DNAH9: variants seen among roughly 807,000 people sequenced by gnomAD.
DNAH9 encodes the protein dynein axonemal heavy chain 9.
DNAH9 carries 345 observed loss-of-function variants against 471.6 expected under a neutral mutation model. The observed-to-expected ratio is 0.73, with a 90% CI of 0.67 to 0.80. The LOEUF is 0.80. Ranked by LOEUF, DNAH9 falls within the 30% of genes least tolerant of loss-of-function variation. The pLI is 0.00. For synonymous variants in DNAH9, 2,093 were observed against 2,123.6 expected, an observed-to-expected ratio of 0.99 and a Z score of 0.40; for missense variants, 5,407 against 5,609.2, an observed-to-expected ratio of 0.96 and a Z score of 1.15.
chr17:11,799,390 G>A (rs967414772), intron 43 of DNAH9, among the ~76,000 whole-genome samples: 3 of 151,834 alleles, frequency 2.0e-5, no homozygotes, highest in East Asian at 1.9e-4. Context: ...TTTTTGAGAC[G>A]GAGTCTCACT....
intron 67 of DNAH9, among the ~76,000 whole-genome samples, chr17:11,956,493 AT>A (rs1394659223): frequency 6.6e-6 from 1 of 152,176 alleles, no homozygotes; most frequent in Non-Finnish European, 1.5e-5. Flanking sequence ...AACTTAACCA[AT>A]TTTACAGACA....
chr17:11,866,983 A>T (rs894688306), intron 50 of DNAH9, among the ~76,000 whole-genome samples: 1 of 152,206 alleles, frequency 6.6e-6, no homozygotes, highest in Admixed American at 6.5e-5. Context: ...CGAGCGAGGC[A>T]ATGCCTCGCC....
At chr17:11,948,582 C>A (rs1011645188) in intron 67 of DNAH9, among the ~76,000 whole-genome samples, 1 of 152,152 alleles carries the variant, frequency 6.6e-6, no homozygotes, top group African/African-American at 2.4e-5. Context: ...TAGTTCAGGT[C>A]TGGAAGGGTG....
At position 11,664,939 on chromosome 17, in the gene DNAH9, G is replaced by C. The variant is rs537112682; in HGVS notation, c.2702G>C (p.Cys901Ser). The change falls in exon 15 of 69, where the codon TGC (cysteine) becomes TCC (serine). Residue 901 changes from cysteine (C) to serine (S), a missense_variant. This residue lies in a region of DNAH9 where 4,636 missense variants were observed against 4,900.3 expected (regional missense o/e 0.95). Coordinates refer to ENST00000262442, the MANE Select transcript of DNAH9 (RefSeq NM_001372.4). ...AATGGATTCTTTCTTGCCATTGAGT[G>C]CTCCCTCAAGTATCTTCTGGAAAAT... ...LLNGFFLAIE[C>S]SLKYLLENTE... 8.1e-6 allele frequency: 13 copies of C among 1,613,186 alleles called. No individual in the cohort carries two copies. Among genetic ancestry groups the C allele is most frequent in the Non-Finnish European group, 1.1e-5 (13 of 1,179,430 alleles).
intron 49 of DNAH9, among the ~76,000 whole-genome samples, chr17:11,849,794 C>G (rs1235452884): frequency 6.6e-6 from 1 of 152,184 alleles, no homozygotes; most frequent in Non-Finnish European, 1.5e-5. Context: ...TTGCCTGTCT[C>G]CCCCACCTGA....
At chr17:11,925,240 G>C (rs1277896574) in intron 62 of DNAH9, 1 of 452,348 alleles carries the variant, frequency 2.2e-6, no homozygotes, top group Non-Finnish European at 4.4e-6. Context: ...AAAGGCCGGT[G>C]GGTCAAGGAA....
intron 1 of DNAH9, among the ~76,000 whole-genome samples, chr17:11,606,017 A>G (rs112447852): frequency 6.6e-5 from 10 of 152,150 alleles, no homozygotes; most frequent in Non-Finnish European, 1.3e-4. Flanking sequence ...TTGAGATCCT[A>G]GGAAAATTCC....
At chr17:11,792,288 T>G (rs532153830) in intron 41 of DNAH9, among the ~76,000 whole-genome samples, 1 of 151,934 alleles carries the variant, frequency 6.6e-6, no homozygotes, top group East Asian at 1.9e-4. Context: ...AAGAAAAGAG[T>G]GATCATGAGG....
intron 17 of DNAH9, among the ~76,000 whole-genome samples, chr17:11,676,634 CAA>C (rs563798343): frequency 6.6e-6 from 1 of 151,882 alleles, no homozygotes; most frequent in Non-Finnish European, 1.5e-5. Flanking sequence ...TTGCCGGACA[CAA>C]AAAAACTATC....
At chr17:11,651,730 T>C (rs969782952) in intron 13 of DNAH9, among the ~76,000 whole-genome samples, 2 of 152,224 alleles carry the variant, frequency 1.3e-5, no homozygotes, top group Admixed American at 6.5e-5. Flanking sequence ...TACACTTTCA[T>C]TGGCTGATTA....
chr17:11,898,426 C>T (rs1229015127), intron 59 of DNAH9, among the ~76,000 whole-genome samples: 3 of 152,112 alleles, frequency 2.0e-5, no homozygotes, highest in East Asian at 1.9e-4. Flanking sequence ...TGGCCCTTTC[C>T]GTTTCTTATA....
At chr17:11,780,923 A>G in intron 38 of DNAH9, 86 bp from the exon 39 acceptor site, 1 of 1,425,450 alleles carries the variant, frequency 7.0e-7, no homozygotes, top group Admixed American at 2.2e-5. Flanking sequence ...AGGCAGCACC[A>G]TTGCTTCTCC....
Position 11,933,968 on chromosome 17 carries a change from C to T in DNAH9, c.12386C>T (p.Thr4129Ile), listed in dbSNP as rs374499541. ...TDDWDRRLCR[T>I]YLGEFIRPEM... ...GACTGGGACAGAAGACTCTGCAGAA[C>T]CTACCTGGGGGAATTCATTCGACCA... The change falls in exon 65 of 69, where the codon ACC becomes ATC. Residue 4129 changes from threonine (T) to isoleucine (I), a missense_variant. By Grantham distance (89) the Thr-to-Ile change is moderately conservative (BLOSUM62 -1). Transcript: ENST00000262442. 1 of 1,614,200 alleles carries T rather than the reference C, an allele frequency of 6.2e-7. No homozygotes were observed. The highest frequency in any genetic ancestry group is 8.5e-7 in the Non-Finnish European group (1 of 1,180,044).
intron 45 of DNAH9, among the ~76,000 whole-genome samples, chr17:11,812,967 C>T (rs999801979): frequency 1.3e-5 from 2 of 152,160 alleles, no homozygotes; most frequent in Non-Finnish European, 1.5e-5. Flanking sequence ...AGATGTCGGG[C>T]GTGTTGCCAG....
chr17:11,855,088 G>C (rs1260494768), intron 50 of DNAH9, among the ~76,000 whole-genome samples: 1 of 151,892 alleles, frequency 6.6e-6, no homozygotes, highest in African/African-American at 2.4e-5. Context: ...AATCTGTAGA[G>C]GCAGGGTCTC....
At chr17:11,935,499 C>T (rs969196932) in intron 65 of DNAH9, among the ~76,000 whole-genome samples, 2 of 151,864 alleles carry the variant, frequency 1.3e-5, no homozygotes, top group Non-Finnish European at 2.9e-5. Flanking sequence ...CCTCAGCCTC[C>T]TGAGTAGCTG....
chr17:11,629,456 A>C lies in DNAH9; in HGVS notation c.1390A>C (p.Lys464Gln). Reference sequence around the variant, plus strand: ...GGCCCTGGATTTCCACAAACTGGGAAAGGTGGAGTTCAGCGGCGTCAGAGG... The same window carrying C: ...GGCCCTGGATTTCCACAAACTGGGACAGGTGGAGTTCAGCGGCGTCAGAGG... The part of the protein sequence containing the change: ...KTALDFHKLG[K>Q]VEFSGVRGNA... The change falls in exon 7 of 69, where the codon AAG becomes CAG. Residue 464 changes from lysine (K) to glutamine (Q), a missense_variant. By Grantham distance (53) the Lys-to-Gln change is moderately conservative (BLOSUM62 1). Transcript: ENST00000262442. The C allele has an allele frequency of 6.2e-7, 1 of 1,614,120 alleles. No individual in the cohort carries two copies. Among genetic ancestry groups the C allele is most frequent in the Non-Finnish European group, 8.5e-7 (1 of 1,179,994 alleles).
intron 1 of DNAH9, among the ~76,000 whole-genome samples, chr17:11,599,914 A>G (rs1169084114): frequency 6.6e-6 from 1 of 152,180 alleles, no homozygotes; most frequent in African/African-American, 2.4e-5. Flanking sequence ...TATATTCAAA[A>G]TGTTTCAAAC....
At chr17:11,852,567 G>GAGC (rs1971461285) in intron 49 of DNAH9, among the ~76,000 whole-genome samples, 1 of 152,024 alleles carries the variant, frequency 6.6e-6, no homozygotes. Flanking sequence ...ACCCAGCCTG[G>GAGC]AGCAGCCCCT....
Sources: gnomAD v4.1 joint callset for allele counts (sites outside exome capture counted in the v4.1 genomes callset) on GRCh38, gnomAD v4.1.1 for gene constraint, gnomAD v4.1.1 regional missense constraint, MANE v1.5 for transcripts, NCBI Gene and HGNC (gene_info 2026-07-23, HGNC 2026-07-21) for gene names.